Variants in SPOCK1 observed in about 807,000 individuals in gnomAD.
The protein encoded by SPOCK1 is testican-1.
A neutral mutation model predicts 55.3 loss-of-function variants in SPOCK1; 23 were observed. That is an observed-to-expected ratio of 0.42 (90% CI 0.30 to 0.59). The LOEUF (loss-of-function observed/expected upper bound fraction) is 0.59. Among genes scored for constraint, SPOCK1 ranks in the 20% least tolerant of loss-of-function variants. The probability of loss-of-function intolerance (pLI) is 0.22; values close to 1 mark genes in which losing one functional copy is unlikely to be tolerated. For missense variants in SPOCK1, 499 were observed against 552.5 expected (o/e 0.90, Z 0.97); for synonymous variants, 226 against 221.0 (o/e 1.02, Z -0.20).
At chr5:137,330,956 A>G (rs979033446) in intron 2 of SPOCK1, among the ~76,000 whole-genome samples, 5 of 152,244 alleles carry the variant, frequency 3.3e-5, no homozygotes, top group Non-Finnish European at 7.3e-5. Flanking sequence ...TATTTGTACT[A>G]TTATTTTACA....
intron 2 of SPOCK1, among the ~76,000 whole-genome samples, chr5:137,349,071 C>G (rs1038698075): frequency 5.3e-5 from 8 of 152,128 alleles, no homozygotes; most frequent in Non-Finnish European, 1.2e-4. Context: ...GTAACTCTCC[C>G]AACTCAAGAT....
chr5:137,415,056 G>A (rs1580913085), intron 2 of SPOCK1, among the ~76,000 whole-genome samples: 1 of 152,146 alleles, frequency 6.6e-6, no homozygotes, highest in East Asian at 1.9e-4. Flanking sequence ...TAAGCCAGAA[G>A]AGGAGATACA....
intron 2 of SPOCK1, among the ~76,000 whole-genome samples, chr5:137,494,808 A>T (rs954232965): frequency 2.0e-5 from 3 of 152,224 alleles, no homozygotes; most frequent in Non-Finnish European, 2.9e-5. Context: ...GTTGGAATGA[A>T]TGAAGGTACA....
intron 3 of SPOCK1, among the ~76,000 whole-genome samples, chr5:137,221,053 CACTTTGAGAAAA>C (rs1368396317): frequency 1.8e-4 from 28 of 152,168 alleles, no homozygotes; most frequent in African/African-American, 6.8e-4. Context: ...AGGTGTGTCT[CACTTTGAGAAAA>C]ACTGGAATAT....
intron 2 of SPOCK1, among the ~76,000 whole-genome samples, chr5:137,317,937 C>T (rs1383648312): frequency 6.6e-6 from 1 of 152,102 alleles, no homozygotes; most frequent in Non-Finnish European, 1.5e-5. Context: ...GTAAGCTGTA[C>T]CCAGTTTTGT....
intron 6 of SPOCK1, among the ~76,000 whole-genome samples, chr5:136,998,821 A>G (rs945752365): frequency 2.6e-5 from 4 of 152,254 alleles, no homozygotes; most frequent in African/African-American, 9.6e-5. Flanking sequence ...GTGCCATTGC[A>G]CATTACTCCA....
intron 3 of SPOCK1, among the ~76,000 whole-genome samples, chr5:137,160,332 TA>T (rs1175402970): frequency 8.1e-6 from 1 of 124,078 alleles, no homozygotes; most frequent in Non-Finnish European, 1.7e-5. Context: ...ATATATATAT[TA>T]TATATATTAT....
At chr5:137,179,983 C>T (rs573255024) in intron 3 of SPOCK1, among the ~76,000 whole-genome samples, 3 of 152,186 alleles carry the variant, frequency 2.0e-5, no homozygotes, top group Non-Finnish European at 4.4e-5. Context: ...TATCTCCTTT[C>T]ATCCTCAGAA....
intron 3 of SPOCK1, among the ~76,000 whole-genome samples, chr5:137,224,903 G>A (rs147422955): frequency 9.2e-5 from 14 of 152,174 alleles, no homozygotes; most frequent in African/African-American, 3.1e-4. Context: ...GCACAGGCCC[G>A]GCCCAATTTA....
intron 8 of SPOCK1, among the ~76,000 whole-genome samples, chr5:136,985,457 A>C (rs1750821024): frequency 1.3e-5 from 2 of 152,178 alleles, no homozygotes; most frequent in African/African-American, 2.4e-5. Flanking sequence ...TCTAGTACCA[A>C]CTCAAGCAAA....
At chr5:137,314,279 T>C (rs1757838533) in intron 2 of SPOCK1, among the ~76,000 whole-genome samples, 2 of 152,282 alleles carry the variant, frequency 1.3e-5, no homozygotes, top group South Asian at 2.1e-4. Flanking sequence ...TTCTCTCACA[T>C]GATACTGGGA....
At chr5:137,024,320 G>C (rs977288293) in intron 6 of SPOCK1, among the ~76,000 whole-genome samples, 2 of 147,680 alleles carry the variant, frequency 1.4e-5, no homozygotes, top group Non-Finnish European at 3.0e-5. Context: ...TTGAAGGGGG[G>C]GGGGTAGTTA....
chr5:137,364,523 G>A (rs1199380683), intron 2 of SPOCK1, among the ~76,000 whole-genome samples: 2 of 152,200 alleles, frequency 1.3e-5, no homozygotes, highest in Non-Finnish European at 2.9e-5. Flanking sequence ...GGGTCCCACA[G>A]CCCTGGTGAT....
intron 3 of SPOCK1, among the ~76,000 whole-genome samples, chr5:137,237,501 G>A (rs891105008): frequency 6.6e-6 from 1 of 152,334 alleles, no homozygotes; most frequent in African/African-American, 2.4e-5. Flanking sequence ...AGTAAATGAT[G>A]CTTTACTGAC....
chr5:137,309,092 G>C (rs1317336735), intron 2 of SPOCK1, among the ~76,000 whole-genome samples: 1 of 151,578 alleles, frequency 6.6e-6, no homozygotes, highest in Non-Finnish European at 1.5e-5. Context: ...TTTAATATCA[G>C]AACAAAAAAA....
intron 2 of SPOCK1, among the ~76,000 whole-genome samples, chr5:137,303,015 A>C (rs1207716389): frequency 1.3e-5 from 2 of 152,194 alleles, no homozygotes; most frequent in African/African-American, 2.4e-5. Flanking sequence ...CATCTTACAA[A>C]ACCAGCTCAG....
At chr5:137,173,188 G>A (rs761587674) in intron 3 of SPOCK1, among the ~76,000 whole-genome samples, 3 of 152,036 alleles carry the variant, frequency 2.0e-5, no homozygotes, top group East Asian at 3.9e-4. Flanking sequence ...AACTCAACAC[G>A]AGACCTCTTT....
intron 2 of SPOCK1, among the ~76,000 whole-genome samples, chr5:137,405,506 G>A (rs1212850089): frequency 6.6e-6 from 1 of 152,114 alleles, no homozygotes; most frequent in Non-Finnish European, 1.5e-5. Context: ...CTGAATGCCA[G>A]GCACCAACTT....
At position 137,277,651 on chromosome 5, in the gene SPOCK1, C is replaced by T. The variant is rs542865972; in HGVS notation, c.187-10596G>A. On this transcript the variant is annotated intron_variant, in intron 2 of 10. Transcript: ENST00000394945. ...ACCAGGACTCTCATTATATCTGAAGCCTCAGCTTTCCTATCTGTGAAATAG... is the reference window on the plus strand; with the variant it reads ...ACCAGGACTCTCATTATATCTGAAGTCTCAGCTTTCCTATCTGTGAAATAG... Among the ~76,000 whole-genome samples, 14 of 152,272 alleles carry T rather than the reference C, an allele frequency of 9.2e-5. No individual in the cohort carries two copies. In the South Asian group the frequency reaches 2.9e-3, roughly 32 times the overall value.
Sources: gnomAD v4.1 joint callset for allele counts (sites outside exome capture counted in the v4.1 genomes callset) on GRCh38, gnomAD v4.1.1 for gene constraint, MANE v1.5 for transcripts, NCBI Gene and HGNC (gene_info 2026-07-23, HGNC 2026-07-21) for gene names.